Variants in SCFD2 observed in about 807,000 individuals in gnomAD.
SCFD2 encodes sec1 family domain containing 2.
In SCFD2, 54 loss-of-function variants were observed where a neutral mutation model predicts 58.9. The observed-to-expected ratio is 0.92, with a 90% CI of 0.74 to 1.15. SCFD2 has a LOEUF of 1.15. Ranked by LOEUF, SCFD2 falls within the 50% of genes most tolerant of loss-of-function variation. The probability of loss-of-function intolerance (pLI) is 0.00; values close to 1 mark genes in which losing one functional copy is unlikely to be tolerated. For missense variants in SCFD2, 805 were observed against 836.6 expected (o/e 0.96, Z 0.47); for synonymous variants, 321 against 335.9 (o/e 0.96, Z 0.49).
At chr4:52,918,940 C>A (rs1289716398) in intron 6 of SCFD2, among the ~76,000 whole-genome samples, 1 of 152,178 alleles carries the variant, frequency 6.6e-6, no homozygotes, top group African/African-American at 2.4e-5. Context: ...ACACACATTA[C>A]CCTACCTCCA....
At chr4:53,299,845 C>T (rs1732205457) in intron 3 of SCFD2, among the ~76,000 whole-genome samples, 1 of 152,046 alleles carries the variant, frequency 6.6e-6, no homozygotes, top group African/African-American at 2.4e-5. Context: ...TCCAGCCAAA[C>T]TAAGCTTCAT....
intron 5 of SCFD2, among the ~76,000 whole-genome samples, chr4:52,943,827 C>T (rs1279678002): frequency 3.3e-5 from 5 of 152,186 alleles, no homozygotes; most frequent in Non-Finnish European, 7.3e-5. Context: ...CCCATCTTGG[C>T]TTCCTTCTTC....
chr4:53,359,479 A>C (rs942914890), intron 1 of SCFD2, among the ~76,000 whole-genome samples: 2 of 152,196 alleles, frequency 1.3e-5, no homozygotes, highest in Non-Finnish European at 2.9e-5. Flanking sequence ...TAATCCCAGC[A>C]CTTTGGGATG....
chr4:53,067,661 A>G (rs1723701282), intron 5 of SCFD2, among the ~76,000 whole-genome samples: 1 of 152,058 alleles, frequency 6.6e-6, no homozygotes, highest in African/African-American at 2.4e-5. Flanking sequence ...CATGTGAAGA[A>G]GGACATGTTT....
At chr4:53,211,692 C>T (rs1728617697) in intron 4 of SCFD2, among the ~76,000 whole-genome samples, 1 of 152,064 alleles carries the variant, frequency 6.6e-6, no homozygotes, top group African/African-American at 2.4e-5. Flanking sequence ...GAAAAATCCC[C>T]ACGCATTTGG....
chr4:53,121,661 T>G (rs1290754003), intron 5 of SCFD2, among the ~76,000 whole-genome samples: 3 of 152,160 alleles, frequency 2.0e-5, no homozygotes, highest in Non-Finnish European at 2.9e-5. Flanking sequence ...AATGCGGTGC[T>G]TACGTAACAG....
Position 53,363,319 on chromosome 4 carries a change from T to C in SCFD2, c.838+1785A>G, listed in dbSNP as rs192570090. On this transcript the variant is annotated intron_variant, in intron 1 of 8. Transcript: ENST00000401642. ...AGTTTTTTCATTTTTTATTTAATTT[T>C]TAAATTTTCTGTAGAGATTGAGTTT... Among the ~76,000 whole-genome samples the C allele has an allele frequency of 2.6e-3, 394 of 151,820 alleles. 5 individuals carry two copies. The highest frequency in any genetic ancestry group is 9.3e-4 in the Non-Finnish European group (63 of 67,932).
At chr4:52,921,607 T>A (rs1254071773) in intron 5 of SCFD2, among the ~76,000 whole-genome samples, 1 of 152,172 alleles carries the variant, frequency 6.6e-6, no homozygotes, top group Non-Finnish European at 1.5e-5. Flanking sequence ...GCAGGAACTA[T>A]TGTCTCCACC....
rs1477651322 is a variant in SCFD2, at chr4:53,237,509, G to A, written c.1311+36317C>T. Among the ~76,000 whole-genome samples the A allele has an allele frequency of 7.3e-4, 15 of 20,536 alleles. 1 individual carries two copies. Among genetic ancestry groups the A allele is most frequent in the African/African-American group, 2.7e-3 (12 of 4,452 alleles). 13.5% of individuals were successfully genotyped at this position (20,536 alleles called of 152,430 possible). On this transcript the variant is annotated intron_variant, in intron 4 of 8. Coordinates refer to ENST00000401642, the MANE Select transcript of SCFD2 (RefSeq NM_152540.4). ...CTCCCTCCCGGACGGGCGGCTGGCC[G>A]GGCGGGGGGCTGACCCCCACCTCTC...
chr4:53,070,367 A>G (rs1439615548), intron 5 of SCFD2, among the ~76,000 whole-genome samples: 1 of 152,088 alleles, frequency 6.6e-6, no homozygotes, highest in Non-Finnish European at 1.5e-5. Context: ...ATTAAACTAA[A>G]AAAGATGTTC....
chr4:53,079,241 G>A (rs1205158656), intron 5 of SCFD2, among the ~76,000 whole-genome samples: 4 of 152,238 alleles, frequency 2.6e-5, no homozygotes, highest in Admixed American at 2.6e-4. Context: ...CTGATGTCTG[G>A]GGGGCAGAAG....
intron 5 of SCFD2, among the ~76,000 whole-genome samples, chr4:52,994,798 G>C (rs1224828435): frequency 6.6e-6 from 1 of 152,104 alleles, no homozygotes; most frequent in Non-Finnish European, 1.5e-5. Context: ...AAAAAAATGA[G>C]AGTATCTACA....
At chr4:53,140,090 C>A (rs1460616597) in intron 5 of SCFD2, among the ~76,000 whole-genome samples, 1 of 151,684 alleles carries the variant, frequency 6.6e-6, no homozygotes, top group Non-Finnish European at 1.5e-5. Context: ...GGGCCCTCTG[C>A]CTAGGAAAAC....
At chr4:53,081,916 T>A (rs1724158827) in intron 5 of SCFD2, among the ~76,000 whole-genome samples, 2 of 152,204 alleles carry the variant, frequency 1.3e-5, no homozygotes, top group African/African-American at 4.8e-5. Context: ...TGTATAGATT[T>A]GACTATTCTG....
At chr4:53,055,515 G>A (rs1238305835) in intron 5 of SCFD2, among the ~76,000 whole-genome samples, 2 of 152,178 alleles carry the variant, frequency 1.3e-5, no homozygotes, top group African/African-American at 4.8e-5. Flanking sequence ...AACCACATAT[G>A]AAGCTGTGTG....
chr4:53,031,606 T>C (rs1228120963), intron 5 of SCFD2, among the ~76,000 whole-genome samples: 1 of 152,074 alleles, frequency 6.6e-6, no homozygotes, highest in African/African-American at 2.4e-5. Flanking sequence ...CTGATGTAGA[T>C]GAAAAACACA....
chr4:52,946,494 T>TAAAATTC (rs1275360809), intron 5 of SCFD2, among the ~76,000 whole-genome samples: 5 of 152,146 alleles, frequency 3.3e-5, no homozygotes, highest in Admixed American at 3.3e-4. Context: ...TCAGAGTTCC[T>TAAAATTC]TCTTAAGCAA....
At position 53,313,708 on chromosome 4, in the gene SCFD2, C is replaced by T. The variant is rs748288377; in HGVS notation, c.1063G>A (p.Ala355Thr). The T allele has an allele frequency of 1.2e-5, 20 of 1,613,890 alleles. No homozygotes were observed. In the South Asian group the frequency reaches 2.2e-4, roughly 18 times the overall value. ...EALLNTKHKE[A>T]VMEVRRHLVE... ...AGATGTCTCCGAACTTCCATCACTGCCTCTTTGTGCTTAGTGTTCAGTAAA... is the reference window on the plus strand; with the variant it reads ...AGATGTCTCCGAACTTCCATCACTGTCTCTTTGTGCTTAGTGTTCAGTAAA... Residue 355 changes from alanine (A) to threonine (T), a missense_variant, in exon 3 of 9, where the codon GCA becomes ACA. Ala to Thr is a moderately conservative substitution (Grantham distance 58, BLOSUM62 0). Coordinates refer to ENST00000401642, the MANE Select transcript of SCFD2 (RefSeq NM_152540.4).
chr4:53,238,137 G>A (rs1229221390), intron 4 of SCFD2, among the ~76,000 whole-genome samples: 29 of 124,904 alleles, frequency 2.3e-4, no homozygotes, highest in Non-Finnish European at 3.9e-4. Flanking sequence ...CCGGGCAGAG[G>A]TGCCCCTCAC....
Sources: gnomAD v4.1 joint callset for allele counts (sites outside exome capture counted in the v4.1 genomes callset) on GRCh38, gnomAD v4.1.1 for gene constraint, MANE v1.5 for transcripts, NCBI Gene and HGNC (gene_info 2026-07-23, HGNC 2026-07-21) for gene names.